Variants in ATRNL1 observed in about 807,000 individuals in gnomAD.
The protein encoded by ATRNL1 is attractin-like protein 1.
Under a neutral mutation model 182.7 loss-of-function variants are expected in ATRNL1, and 95 were observed. The ratio of observed to expected loss-of-function variants is 0.52; its 90% CI spans 0.44 to 0.62. ATRNL1 has a LOEUF of 0.62. ATRNL1 is among the 20% of genes least tolerant of loss of function. The pLI, the probability that ATRNL1 is intolerant of heterozygous loss-of-function variation, is 0.00. For missense variants in ATRNL1, 1,471 were observed against 1,679.5 expected (o/e 0.88, Z 2.17); for synonymous variants, 576 against 568.3 (o/e 1.01, Z -0.19).
intron 26 of ATRNL1, among the ~76,000 whole-genome samples, chr10:115,658,508 T>A (rs1860478154): frequency 6.6e-6 from 1 of 152,124 alleles, no homozygotes; most frequent in African/African-American, 2.4e-5. Context: ...GGTTTCAACC[T>A]TTTTTAGTGA....
At chr10:115,809,964 T>A (rs1555086577) in intron 27 of ATRNL1, among the ~76,000 whole-genome samples, 1 of 151,962 alleles carries the variant, frequency 6.6e-6, no homozygotes, top group Non-Finnish European at 1.5e-5. Context: ...TTAGGAAATT[T>A]TCTATTCTTA....
intron 28 of ATRNL1, among the ~76,000 whole-genome samples, chr10:115,927,938 T>C (rs1555120687): frequency 6.6e-6 from 1 of 152,082 alleles, no homozygotes; most frequent in African/African-American, 2.4e-5. Flanking sequence ...TAGTCAGTAC[T>C]TGAAAAAGTC....
intron 15 of ATRNL1, among the ~76,000 whole-genome samples, chr10:115,291,294 GT>G (rs1158910617): frequency 6.6e-6 from 1 of 152,144 alleles, no homozygotes; most frequent in Non-Finnish European, 1.5e-5. Flanking sequence ...CAATTTGGAT[GT>G]CTTTTATTTC....
chr10:115,743,404 G>T (rs900438952), intron 27 of ATRNL1, among the ~76,000 whole-genome samples: 2 of 130,354 alleles, frequency 1.5e-5, no homozygotes, highest in African/African-American at 5.8e-5. Context: ...TTGTTCTCTT[G>T]TCCTAGAGGA....
At chr10:115,636,415 A>G (rs1565234812) in intron 26 of ATRNL1, among the ~76,000 whole-genome samples, 1 of 152,194 alleles carries the variant, frequency 6.6e-6, no homozygotes, top group Non-Finnish European at 1.5e-5. Flanking sequence ...CTGCAGAGGC[A>G]CCAAATGTAC....
At chr10:115,656,688 C>T (rs782217602) in intron 26 of ATRNL1, among the ~76,000 whole-genome samples, 1 of 152,160 alleles carries the variant, frequency 6.6e-6, no homozygotes, top group Non-Finnish European at 1.5e-5. Flanking sequence ...TATAGTCATG[C>T]AAGTGTATGG....
intron 9 of ATRNL1, among the ~76,000 whole-genome samples, chr10:115,238,321 A>T (rs1471749129): frequency 6.6e-6 from 1 of 152,164 alleles, no homozygotes; most frequent in Non-Finnish European, 1.5e-5. Flanking sequence ...TATTACACTG[A>T]ATCTGCATAT....
intron 27 of ATRNL1, among the ~76,000 whole-genome samples, chr10:115,753,683 A>T (rs1399554099): frequency 6.6e-6 from 1 of 152,170 alleles, no homozygotes; most frequent in Non-Finnish European, 1.5e-5. Context: ...TCCTTTGGGT[A>T]CATACCCAGT....
intron 20 of ATRNL1, among the ~76,000 whole-genome samples, chr10:115,420,927 C>T (rs969795758): frequency 5.9e-5 from 9 of 151,952 alleles, no homozygotes; most frequent in Non-Finnish European, 1.0e-4. Flanking sequence ...CAATGATAGA[C>T]CAATAAATTT....
In ATRNL1 at chr10:115,474,476, T is replaced by C. The variant is rs143668136; in HGVS notation, c.3654+5147T>C. Among the ~76,000 whole-genome samples, 1,134 of 151,428 alleles carry C rather than the reference T, an allele frequency of 7.5e-3. 15 individuals are homozygous for C. Among genetic ancestry groups the C allele is most frequent in the Non-Finnish European group, 0.011 (765 of 67,560 alleles). On this transcript the variant is annotated intron_variant, in intron 24 of 28. Transcript: ENST00000355044. Reference sequence around the variant, plus strand: ...ATGTTCAGCTTCATGGATCTAGACATCTGAATCTCTCATAAGATTTGGGAA... The same window carrying C: ...ATGTTCAGCTTCATGGATCTAGACACCTGAATCTCTCATAAGATTTGGGAA...
At chr10:115,884,346 A>G (rs1951894937) in intron 28 of ATRNL1, among the ~76,000 whole-genome samples, 1 of 152,182 alleles carries the variant, frequency 6.6e-6, no homozygotes, top group South Asian at 2.1e-4. Context: ...CAGAATGTTT[A>G]AGCCATATCT....
intron 25 of ATRNL1, among the ~76,000 whole-genome samples, chr10:115,529,353 G>C (rs1851429601): frequency 6.6e-6 from 1 of 151,144 alleles, no homozygotes; most frequent in Non-Finnish European, 1.5e-5. Flanking sequence ...TTTTTCTCTT[G>C]TTATATTTTG....
intron 26 of ATRNL1, among the ~76,000 whole-genome samples, chr10:115,642,958 A>G (rs1859347941): frequency 6.6e-6 from 1 of 152,158 alleles, no homozygotes; most frequent in South Asian, 2.1e-4. Flanking sequence ...TTTGCTTCTC[A>G]TAACTTCGAG....
At position 115,731,266 on chromosome 10, in the gene ATRNL1, G is replaced by A. The variant is rs186248119; in HGVS notation, c.3903+3911G>A. 1.5e-4 allele frequency among the ~76,000 whole-genome samples: 23 copies of A among 152,206 alleles called. No individual in the cohort carries two copies. In the East Asian group the frequency reaches 4.1e-3, roughly 27 times the overall value. ...TTCCTGCCCCACAGCAGGTGGGATC[G>A]GTACCAATCTATCCAGGACAATGTG... On this transcript the variant is annotated intron_variant, in intron 27 of 28. Transcript: ENST00000355044.
chr10:115,691,460 G>A (rs556215189), intron 26 of ATRNL1, among the ~76,000 whole-genome samples: 12 of 152,246 alleles, frequency 7.9e-5, no homozygotes, highest in African/African-American at 2.6e-4. Context: ...GATGGCTCAC[G>A]CCTGTAATTC....
At chr10:115,803,221 C>T (rs1278406586) in intron 27 of ATRNL1, among the ~76,000 whole-genome samples, 1 of 152,030 alleles carries the variant, frequency 6.6e-6, no homozygotes, top group African/African-American at 2.4e-5. Context: ...GATTTATTTA[C>T]CTAGTATACT....
rs1160720232 is a variant in ATRNL1 at position 115,485,811 on chromosome 10, G to T, written c.3654+16482G>T. Among the ~76,000 whole-genome samples, 4 of 151,910 alleles carry T rather than the reference G, an allele frequency of 2.6e-5. No homozygotes were observed. The East Asian group carries it at 7.8e-4, about 29-fold the overall frequency. On this transcript the variant is annotated intron_variant, in intron 24 of 28. Coordinates refer to ENST00000355044, the MANE Select transcript of ATRNL1 (RefSeq NM_207303.4). ...CAGAATGTGCAGGTTTGTTACATAG[G>T]TATACACGTGCCATGGTGGTTTGCT... is the stretch of plus-strand genomic sequence containing the variant.
At chr10:115,629,276 A>C (rs538435911) in intron 26 of ATRNL1, among the ~76,000 whole-genome samples, 106 of 152,302 alleles carry the variant, frequency 7.0e-4, no homozygotes, top group Non-Finnish European at 8.8e-4. Context: ...TGCGGGTCCA[A>C]CTTTAGTAAA....
intron 19 of ATRNL1, among the ~76,000 whole-genome samples, chr10:115,369,405 C>T (rs962198019): frequency 6.6e-5 from 10 of 151,700 alleles, no homozygotes; most frequent in Admixed American, 5.9e-4. Flanking sequence ...ATTCTGTGAG[C>T]GGGATTGGGG....
Sources: gnomAD v4.1 joint callset for allele counts (sites outside exome capture counted in the v4.1 genomes callset) on GRCh38, gnomAD v4.1.1 for gene constraint, MANE v1.5 for transcripts, NCBI Gene and HGNC (gene_info 2026-07-23, HGNC 2026-07-21) for gene names.